NNT: variants seen among roughly 807,000 people sequenced by gnomAD.
The protein encoded by NNT is NAD(P) transhydrogenase, mitochondrial.
Under a neutral mutation model 104.8 loss-of-function variants are expected in NNT, and 50 were observed. That is an observed-to-expected ratio of 0.48 (90% CI 0.38 to 0.60). The LOEUF is 0.60. NNT is among the 20% of genes least tolerant of loss of function. The pLI is 0.00. For synonymous variants in NNT, 461 were observed against 490.4 expected, an observed-to-expected ratio of 0.94 and a Z score of 0.79; for missense variants, 1,131 against 1,330.7, an observed-to-expected ratio of 0.85 and a Z score of 2.33.
chr5:43,649,346 C>T (rs377361426), intron 11 of NNT, 38 bp downstream of exon 11: 4 of 1,609,442 alleles, frequency 2.5e-6, no homozygotes, highest in Non-Finnish European at 3.4e-6. Context: ...CTCAGGTTTT[C>T]ATAGGGTTAC....
At chr5:43,617,385 C>T (rs1030943989) in intron 4 of NNT, among the ~76,000 whole-genome samples, 1 of 152,186 alleles carries the variant, frequency 6.6e-6, no homozygotes, top group Non-Finnish European at 1.5e-5. Flanking sequence ...CCATCTCATC[C>T]ACTATGGCCC....
At chr5:43,700,038 G>T in intron 19 of NNT, 81 bp from the exon 20 acceptor site, 2 of 1,021,696 alleles carry the variant, frequency 2.0e-6, no homozygotes, top group East Asian at 4.9e-5. Context: ...AACAAAGTGT[G>T]CAGATTTGGA....
intron 19 of NNT, among the ~76,000 whole-genome samples, chr5:43,690,752 G>A (rs956830949): frequency 1.3e-5 from 2 of 151,550 alleles, no homozygotes; most frequent in African/African-American, 4.9e-5. Flanking sequence ...ACTGCCAACC[G>A]TCCTTTGAGT....
In NNT at chr5:43,659,341, C is replaced by G; in HGVS notation, c.2625C>G (p.Ile875Met). ...CGTCTGGTGCTATCCTGTCATACATCATGTGTGTGGTAAGAAACAACACAT... is the reference window on the plus strand; with the variant it reads ...CGTCTGGTGCTATCCTGTCATACATGATGTGTGTGGTAAGAAACAACACAT... Reference protein sequence around the residue: ...IGSSGAILSYIMCVAMNRSLA... With the variant: ...IGSSGAILSYMMCVAMNRSLA... The change falls in exon 17 of 22, where the codon ATC becomes ATG. Residue 875 changes from isoleucine to methionine, a missense_variant. Ile to Met is a conservative substitution (Grantham distance 10, BLOSUM62 1). Coordinates refer to ENST00000344920, the MANE Select transcript of NNT (RefSeq NM_182977.3). 1 of 1,608,960 alleles carries G rather than the reference C, an allele frequency of 6.2e-7. No individual in the cohort carries two copies. Among genetic ancestry groups the G allele is most frequent in the Non-Finnish European group, 8.5e-7 (1 of 1,178,222 alleles).
intron 10 of NNT, chr5:43,647,807 A>G (rs936303808): frequency 2.5e-6 from 1 of 405,936 alleles, no homozygotes; most frequent in Non-Finnish European, 5.0e-6. Context: ...TAATGTGGTC[A>G]TGATAATAGC....
intron 19 of NNT, among the ~76,000 whole-genome samples, chr5:43,697,273 G>A (rs544570108): frequency 1.8e-4 from 28 of 152,222 alleles, no homozygotes; most frequent in Middle Eastern, 3.4e-3. Flanking sequence ...GTAAAATGCC[G>A]TCATTCTCTT....
At chr5:43,624,209 T>C (rs1187981721) in intron 6 of NNT, 89 bp downstream of exon 6, 3 of 1,098,496 alleles carry the variant, frequency 2.7e-6, no homozygotes, top group Non-Finnish European at 4.2e-6. Flanking sequence ...TAAATTGAAG[T>C]AGCACATTGC....
At chr5:43,644,166 T>A in intron 7 of NNT, 26 bp from the exon 8 acceptor site, 1 of 1,576,612 alleles carries the variant, frequency 6.3e-7, no homozygotes, top group South Asian at 1.1e-5. Context: ...TAATACAAAT[T>A]GTGCTGCTTT....
chr5:43,671,861 T>C (rs1176520288), intron 17 of NNT, among the ~76,000 whole-genome samples: 1 of 152,242 alleles, frequency 6.6e-6, no homozygotes, highest in African/African-American at 2.4e-5. Flanking sequence ...TTCTCCCGGA[T>C]AATATCCTGC....
rs756560783 is a variant in NNT at position 43,645,498 on chromosome 5, G to T, written c.1432G>T (p.Ala478Ser). Residue 478 changes from alanine (A) to serine (S), a missense_variant, in exon 10 of 22, where the codon GCA becomes TCA. Coordinates refer to ENST00000344920, the MANE Select transcript of NNT (RefSeq NM_182977.3). ...CAGGAAGACAATGTCAACGGCTTCTGCATATACAGCAGGTGAGGATACCAT... is the reference window on the plus strand; with the variant it reads ...CAGGAAGACAATGTCAACGGCTTCTTCATATACAGCAGGTGAGGATACCAT... ...PFRKTMSTASAYTAGLTGILG... is the reference protein window; with the variant it reads ...PFRKTMSTASSYTAGLTGILG... 1.6e-5 allele frequency: 24 copies of T among 1,530,174 alleles called. No individual in the cohort carries two copies. Among genetic ancestry groups the T allele is most frequent in the Non-Finnish European group, 1.9e-5 (22 of 1,137,652 alleles). 94.8% of individuals were successfully genotyped at this position (1,530,174 alleles called of 1,614,324 possible).
In NNT at chr5:43,635,760, C is replaced by T. The variant is rs143091218; in HGVS notation, c.964+7373C>T. On this transcript the variant is annotated intron_variant, in intron 7 of 21. Transcript: ENST00000344920. ...TGTTTCTCTTTTTATGCTTCAATTTCCTCTCCTTTTAAGGACACCAGTCAG... is the reference window on the plus strand; with the variant it reads ...TGTTTCTCTTTTTATGCTTCAATTTTCTCTCCTTTTAAGGACACCAGTCAG... Among the ~76,000 whole-genome samples the T allele has an allele frequency of 2.6e-4, 40 of 152,126 alleles. 1 individual carries two copies. The highest frequency in any genetic ancestry group is 1.4e-3 in the Admixed American group (21 of 15,258).
Position 43,704,358 on chromosome 5 carries a change from CAT to C in NNT, c.3216_3217del (p.Cys1073Ter). On this transcript the variant is annotated frameshift_variant, in exon 22 of 22. Transcript: ENST00000344920. LOFTEE classifies it high-confidence loss of function. ...ATGCTTCTAGGTGATGCCAAGAAAA[CAT>C]GTGACGCGCTCCAGGCGAAAGTTAG... 1 of 1,613,660 alleles carries C rather than the reference CAT, an allele frequency of 6.2e-7. No homozygotes were observed. The highest frequency in any genetic ancestry group is 8.5e-7 in the Non-Finnish European group (1 of 1,179,704).
rs148445162 is a variant in NNT at position 43,694,579 on chromosome 5, C to T, written c.2877-5540C>T. ...TTAGTTCTGTTTATGTGATGAATCA[C>T]GTTTATTGATTTGCATATGTTGAAC... On this transcript the variant is annotated intron_variant, in intron 19 of 21. Transcript: ENST00000344920. Among the ~76,000 whole-genome samples, 64 of 152,248 alleles carry T rather than the reference C, an allele frequency of 4.2e-4. No individual in the cohort carries two copies. The East Asian group carries it at 0.012, about 28-fold the overall frequency.
chr5:43,701,158 G>T (rs1742830179), intron 20 of NNT, among the ~76,000 whole-genome samples: 3 of 151,938 alleles, frequency 2.0e-5, no homozygotes. Flanking sequence ...TTGTTACCTG[G>T]TTATACTGTG....
intron 19 of NNT, among the ~76,000 whole-genome samples, chr5:43,693,652 A>G (rs1197281914): frequency 1.3e-5 from 2 of 152,194 alleles, no homozygotes; most frequent in African/African-American, 2.4e-5. Flanking sequence ...ACAGATGGTG[A>G]CATTAGGATA....
rs80011859 is a variant in NNT, at chr5:43,675,580, C to A, written c.2704C>A (p.Pro902Thr). ...YGTTSTAGGK[P>T]MEISGTHTEI... ...CACCACTTCAACAGCTGGTGGAAAACCCATGGAAATTTCTGGCACACATAC... is the reference window on the plus strand; with the variant it reads ...CACCACTTCAACAGCTGGTGGAAAAACCATGGAAATTTCTGGCACACATAC... Residue 902 changes from proline to threonine, a missense_variant, in exon 18 of 22, where the codon CCC becomes ACC. Physicochemically the swap from Pro to Thr is conservative, Grantham distance 38. Coordinates refer to ENST00000344920, the MANE Select transcript of NNT (RefSeq NM_182977.3). The A allele has an allele frequency of 1.4e-4, 226 of 1,613,512 alleles. No homozygotes were observed. In the East Asian group the frequency reaches 4.8e-3, roughly 34 times the overall value.
At chr5:43,619,242 T>C (rs780647629) in intron 5 of NNT, 123 bp downstream of exon 5, 13 of 399,416 alleles carry the variant, frequency 3.3e-5, no homozygotes, top group Non-Finnish European at 5.2e-5. Flanking sequence ...CTTTTTGGTG[T>C]GTATAAATAT....
intron 19 of NNT, among the ~76,000 whole-genome samples, chr5:43,697,004 T>G (rs1742590979): frequency 6.6e-6 from 1 of 152,206 alleles, no homozygotes; most frequent in Admixed American, 6.5e-5. Flanking sequence ...GTCTTGGGGA[T>G]TAACATTAGG....
chr5:43,639,529 A>G (rs1054901825), intron 7 of NNT, among the ~76,000 whole-genome samples: 1 of 152,170 alleles, frequency 6.6e-6, no homozygotes, highest in African/African-American at 2.4e-5. Context: ...TCTAGTAATA[A>G]AATTGTTGAC....
Sources: allele counts gnomAD v4.1 joint callset (sites outside exome capture counted in the v4.1 genomes callset), GRCh38; gene constraint gnomAD v4.1.1; transcripts MANE v1.5; gene names NCBI Gene and HGNC (gene_info 2026-07-23, HGNC 2026-07-21).